The following RGS5 variants were observed in gnomAD, a reference collection of about 807,000 sequenced individuals.
RGS5 encodes regulator of G protein signaling 5.
Under a neutral mutation model 18.9 loss-of-function variants are expected in RGS5, and 20 were observed. That is an observed-to-expected ratio of 1.06 (90% CI 0.74 to 1.54). The LOEUF (loss-of-function observed/expected upper bound fraction) is 1.54, where lower values mean the gene tolerates loss of function less well. Ranked by LOEUF, RGS5 falls within the 40% of genes most tolerant of loss-of-function variation. The pLI, the probability that RGS5 is intolerant of heterozygous loss-of-function variation, is 0.00. For synonymous variants in RGS5, 57 were observed against 76.2 expected (o/e 0.75, Z 1.31); for missense variants, 201 against 211.8 (o/e 0.95, Z 0.32).
intron 4 of RGS5, among the ~76,000 whole-genome samples, chr1:163,148,054 A>G (rs2102379119): frequency 6.7e-6 from 1 of 150,254 alleles, no homozygotes; most frequent in East Asian, 2.0e-4. Context: ...GAGCCTCCCA[A>G]CTAGCTGGGT....
intron 2 of RGS5, among the ~76,000 whole-genome samples, chr1:163,255,322 G>A (rs111680652): frequency 0.21 from 32,455 of 151,886 alleles, 3,697 homozygotes; most frequent in African/African-American, 0.3. Context: ...CTTTTATTTC[G>A]TTGATCAGTG....
At position 163,147,453 on chromosome 1, in the gene RGS5, T is replaced by G; in HGVS notation, c.435A>C (p.Glu145Asp). ...CCATGTCAAAGCTGCTCAGGGAAGG[T>G]TCCACCAGGTTCTTCATTGTGATGT... ...TKDITMKNLV[E>D]PSLSSFDMAQ... The change falls in exon 5 of 5, where the codon GAA becomes GAC. Residue 145 changes from glutamate to aspartate, a missense_variant. Physicochemically the swap from Glu to Asp is conservative, Grantham distance 45. Transcript: ENST00000313961. 6.2e-7 allele frequency: 1 copy of G among 1,611,914 alleles called. No individual in the cohort carries two copies. The highest frequency in any genetic ancestry group is 1.3e-5 in the African/African-American group (1 of 74,876).
intron 2 of RGS5, among the ~76,000 whole-genome samples, chr1:163,285,288 C>T (rs1211294970): frequency 6.6e-6 from 1 of 152,164 alleles, no homozygotes; most frequent in East Asian, 1.9e-4. Flanking sequence ...GGCACAGTGG[C>T]TCATGCCTGT....
At chr1:163,302,170 A>G (rs931159222) in intron 2 of RGS5, among the ~76,000 whole-genome samples, 2 of 152,362 alleles carry the variant, frequency 1.3e-5, no homozygotes, top group African/African-American at 4.8e-5. Flanking sequence ...ATAAGTAGTA[A>G]GTAAACAATA....
intron 2 of RGS5, among the ~76,000 whole-genome samples, chr1:163,253,421 G>T (rs1309736595): frequency 6.7e-6 from 1 of 149,790 alleles, no homozygotes; most frequent in Non-Finnish European, 1.5e-5. Flanking sequence ...CAATTTTCCT[G>T]CCTCAGCCTC....
chr1:163,245,365 C>G (rs1179180468), intron 2 of RGS5, among the ~76,000 whole-genome samples: 7 of 152,212 alleles, frequency 4.6e-5, no homozygotes, highest in Admixed American at 3.3e-4. Flanking sequence ...CCCATGACAA[C>G]TTGTTGAAAA....
intron 2 of RGS5, among the ~76,000 whole-genome samples, chr1:163,282,051 A>G (rs980442436): frequency 1.3e-5 from 2 of 151,676 alleles, no homozygotes; most frequent in Non-Finnish European, 2.9e-5. Context: ...GCGCGCGCAC[A>G]CACACACACA....
intron 2 of RGS5, among the ~76,000 whole-genome samples, chr1:163,292,054 C>A (rs1163180879): frequency 1.3e-5 from 2 of 152,062 alleles, no homozygotes; most frequent in Non-Finnish European, 2.9e-5. Context: ...GAAGGATGTG[C>A]AGCCTTGTTA....
At chr1:163,158,567 C>T (rs749929176) in intron 3 of RGS5, among the ~76,000 whole-genome samples, 2 of 151,998 alleles carry the variant, frequency 1.3e-5, no homozygotes, top group Non-Finnish European at 2.9e-5. Flanking sequence ...TCCATAATGC[C>T]CCTGAGCTGT....
intron 2 of RGS5, among the ~76,000 whole-genome samples, chr1:163,258,594 C>A (rs1197969391): frequency 6.6e-6 from 1 of 151,986 alleles, no homozygotes; most frequent in African/African-American, 2.4e-5. Context: ...GTTATTTAAC[C>A]AAAACATCCA....
chr1:163,180,462 ACCAC>A (rs1232919827), intron 1 of RGS5, among the ~76,000 whole-genome samples: 1 of 152,094 alleles, frequency 6.6e-6, no homozygotes, highest in African/African-American at 2.4e-5. Context: ...CTCTGTGTTA[ACCAC>A]AGTAGTTCTC....
At chr1:163,241,235 G>A (rs1299830900) in intron 2 of RGS5, among the ~76,000 whole-genome samples, 1 of 152,148 alleles carries the variant, frequency 6.6e-6, no homozygotes, top group African/African-American at 2.4e-5. Context: ...GTTTAATAAT[G>A]GCAGATTGTT....
At chr1:163,278,531 G>A (rs1349123860) in intron 2 of RGS5, among the ~76,000 whole-genome samples, 1 of 151,986 alleles carries the variant, frequency 6.6e-6, no homozygotes, top group East Asian at 1.9e-4. Flanking sequence ...AAACACAGAA[G>A]TATTAACTCA....
At position 163,254,259 on chromosome 1, in the gene RGS5, T is replaced by A. The variant is rs1172382330; in HGVS notation, c.-281+51974A>T. Among the ~76,000 whole-genome samples the A allele has an allele frequency of 1.1e-4, 17 of 149,896 alleles. No individual in the cohort carries two copies. The East Asian group carries it at 1.2e-3, about 10-fold the overall frequency. ...CCACAATGGTTGAACTAGTTTACAG[T>A]CCCACCAACAGTGTAAAAGTGTTCC... On this transcript the variant is annotated intron_variant, in intron 2 of 5. Transcript: ENST00000618415.
rs1380649097 is a variant in RGS5 at position 163,213,989 on chromosome 1, A to G, written c.69+3537T>C. ...TAACTGATCAAGTAACCCCATTAAA[A>G]TAATCTTTTGACCTCATCAGATAAT... On this transcript the variant is annotated intron_variant, in intron 1 of 5. Transcript: ENST00000367903. Among the ~76,000 whole-genome samples, 4 of 152,278 alleles carry G rather than the reference A, an allele frequency of 2.6e-5. No individual in the cohort carries two copies. In the East Asian group the frequency reaches 7.8e-4, roughly 30 times the overall value.
intron 4 of RGS5, among the ~76,000 whole-genome samples, chr1:163,149,836 T>C (rs1428692341): frequency 6.6e-6 from 1 of 152,168 alleles, no homozygotes; most frequent in African/African-American, 2.4e-5. Flanking sequence ...AAATAGTAAA[T>C]ATTTACATCA....
At chr1:163,208,246 G>C (rs908943918) in intron 1 of RGS5, among the ~76,000 whole-genome samples, 1 of 113,502 alleles carries the variant, frequency 8.8e-6, no homozygotes, top group Non-Finnish European at 1.8e-5. Flanking sequence ...TACTCCGGAG[G>C]CTGAGGCAGG....
intron 2 of RGS5, chr1:163,306,217 T>C (rs1649694558): frequency 6.6e-6 from 1 of 152,206 alleles, no homozygotes; most frequent in South Asian, 2.1e-4. Flanking sequence ...CTATGTGCTG[T>C]TGACTGAAAC....
chr1:163,253,609 CA>C (rs1482300518), intron 2 of RGS5, among the ~76,000 whole-genome samples: 3 of 144,354 alleles, frequency 2.1e-5, no homozygotes, highest in Non-Finnish European at 4.5e-5. Flanking sequence ...CGCACCTGGC[CA>C]AGACCATTTT....
Sources: gnomAD v4.1 joint callset for allele counts (sites outside exome capture counted in the v4.1 genomes callset) on GRCh38, gnomAD v4.1.1 for gene constraint, MANE v1.5 for transcripts, NCBI Gene and HGNC (gene_info 2026-07-23, HGNC 2026-07-21) for gene names.